LGALS13: variants seen among roughly 807,000 people sequenced by gnomAD.
LGALS13 encodes the protein galectin 13.
A neutral mutation model predicts 13.2 loss-of-function variants in LGALS13; 11 were observed. That is an observed-to-expected ratio of 0.83 (90% CI 0.52 to 1.38). LGALS13 has a LOEUF of 1.38. LGALS13 is among the 40% of genes most tolerant of loss of function. The pLI, the probability that LGALS13 is intolerant of heterozygous loss-of-function variation, is 0.00. For synonymous variants in LGALS13, 71 were observed against 63.7 expected (o/e 1.11, Z -0.54); for missense variants, 183 against 174.3 (o/e 1.05, Z -0.28).
In LGALS13 at chr19:39,607,205, G is replaced by A. The variant is rs769991555; in HGVS notation, c.304-18G>A. 6.3e-7 allele frequency: 1 copy of A among 1,582,712 alleles called. No individual in the cohort carries two copies. Among genetic ancestry groups the A allele is most frequent in the Non-Finnish European group, 8.7e-7 (1 of 1,151,370 alleles). On this transcript the variant is annotated intron_variant, in intron 3 of 3. Transcript: ENST00000221797. The stretch of plus-strand genomic sequence containing the variant: ...TTTGGTGGCATGCTTTCTTTCTGAT[G>A]CATTTTTCCTCTTGTAGATAAAGGT...
At chr19:39,605,429 C>T (rs371275188) in intron 3 of LGALS13, 41 bp downstream of exon 3, 1 of 1,543,736 alleles carries the variant, frequency 6.5e-7, no homozygotes, top group Non-Finnish European at 8.9e-7. Context: ...GCTCTGTGGG[C>T]TCCCAAAACA....
intron 3 of LGALS13, 107 bp downstream of exon 3, chr19:39,605,495 A>G: frequency 1.2e-6 from 1 of 865,962 alleles, no homozygotes; most frequent in Non-Finnish European, 1.9e-6. Flanking sequence ...ATCTCCCATA[A>G]CTACTCCTGC....
chr19:39,605,408 C>T lies in LGALS13; in HGVS notation c.303+20C>T. The T allele has an allele frequency of 6.2e-7, 1 of 1,602,404 alleles. No individual in the cohort carries two copies. Among genetic ancestry groups the T allele is most frequent in the Non-Finnish European group, 8.5e-7 (1 of 1,169,656 alleles). On this transcript the variant is annotated intron_variant, in intron 3 of 3. Coordinates refer to ENST00000221797, the MANE Select transcript of LGALS13 (RefSeq NM_013268.3). ...TATGAGGTGAGCATCCCAGGAGCTCCCAGCACCCAGGCTCTGTGGGCTCCC... is the reference window on the plus strand; with the variant it reads ...TATGAGGTGAGCATCCCAGGAGCTCTCAGCACCCAGGCTCTGTGGGCTCCC...
intron 3 of LGALS13, among the ~76,000 whole-genome samples, chr19:39,605,832 GTTTGTTTGTTTGTT>G (rs1568473082): frequency 6.7e-6 from 1 of 149,202 alleles, no homozygotes; most frequent in African/African-American, 2.4e-5. Flanking sequence ...AAGAGGTTTT[GTTTGTTTGTTTGTT>G]TTTGTTTGTT....
In LGALS13 at chr19:39,602,531, T is replaced by G. The variant is rs766110151; in HGVS notation, c.-38T>G. 2.5e-5 allele frequency: 41 copies of G among 1,609,516 alleles called. No homozygotes were observed. The Admixed American group carries it at 6.8e-4, about 27-fold the overall frequency. ...CAACTCAGAGATTCACTCAGAAGAC[T>G]GGACTCAATTCTGAAGGTCGCCAAG... On this transcript the variant is annotated 5_prime_UTR_variant, in exon 1 of 4. Transcript: ENST00000221797.
rs113932428 is a variant in LGALS13, at chr19:39,602,642, G to A, written c.15+59G>A. The A allele has an allele frequency of 1.6e-4, 243 of 1,546,392 alleles. 1 individual carries two copies. In the African/African-American group the frequency reaches 3.0e-3, roughly 19 times the overall value. ...GTGTCACACAAACCAAGAAAGAAAT[G>A]GGAGATTTTATGAGATGAAAATATG... is the stretch of plus-strand genomic sequence containing the variant. On this transcript the variant is annotated intron_variant, in intron 1 of 3. Transcript: ENST00000221797.
At chr19:39,603,875 T>A (rs753971447) in intron 1 of LGALS13, 88 of 912,148 alleles carry the variant, frequency 9.6e-5, no homozygotes, top group Non-Finnish European at 1.1e-4. Flanking sequence ...AATCATCTCA[T>A]CTACTTGTAG....
intron 1 of LGALS13, chr19:39,603,986 T>C (rs1405159824): frequency 5.1e-6 from 5 of 985,400 alleles, no homozygotes; most frequent in Non-Finnish European, 6.0e-6. Flanking sequence ...GTGCCCCTTC[T>C]TGGAAGGATG....
intron 1 of LGALS13, among the ~76,000 whole-genome samples, chr19:39,602,837 G>A (rs902451320): frequency 6.6e-6 from 1 of 152,180 alleles, no homozygotes; most frequent in Non-Finnish European, 1.5e-5. Flanking sequence ...CGGAGATAAT[G>A]TGACTTTAAG....
intron 3 of LGALS13, among the ~76,000 whole-genome samples, chr19:39,606,760 T>C (rs1226700280): frequency 6.6e-6 from 1 of 152,226 alleles, no homozygotes; most frequent in Non-Finnish European, 1.5e-5. Flanking sequence ...TTTCCTTCTT[T>C]GCCACTAACA....
At chr19:39,605,928 C>A (rs1391572991) in intron 3 of LGALS13, among the ~76,000 whole-genome samples, 4 of 152,148 alleles carry the variant, frequency 2.6e-5, no homozygotes, top group Admixed American at 6.5e-5. Flanking sequence ...CTCACTGCAA[C>A]CTCCACCTCC....
chr19:39,602,827 C>A (rs563730899), intron 1 of LGALS13, among the ~76,000 whole-genome samples: 1 of 152,046 alleles, frequency 6.6e-6, no homozygotes, highest in African/African-American at 2.4e-5. Context: ...ATAAACTCTG[C>A]GGAGATAATG....
At position 39,605,232 on chromosome 19, in the gene LGALS13, T is replaced by C; in HGVS notation, c.147T>C (p.Asp49=). The C allele has an allele frequency of 2.5e-6, 4 of 1,614,240 alleles. No homozygotes were observed. Among genetic ancestry groups the C allele is most frequent in the Non-Finnish European group, 2.5e-6 (3 of 1,180,048 alleles). Residue 49 remains aspartate, a synonymous_variant, in exon 3 of 4, where the codon GAT becomes GAC. Coordinates refer to ENST00000221797, the MANE Select transcript of LGALS13 (RefSeq NM_013268.3). ...DFYTDMDEDS[D]IAFRFRVHFG... is the part of the protein sequence containing the mutation. ...ACACTGACATGGATGAGGATTCAGA[T>C]ATTGCCTTCCGTTTCCGAGTGCACT... is the stretch of plus-strand genomic sequence containing the variant.
Position 39,607,222 on chromosome 19 carries a change from G to C in LGALS13, c.304-1G>C, listed in dbSNP as rs1401346866. ...TTTCTGATGCATTTTTCCTCTTGTA[G>C]ATAAAGGTCAATGGCATACGCATTT... is the stretch of plus-strand genomic sequence containing the variant. On this transcript the variant is annotated splice_acceptor_variant, in intron 3 of 3. Coordinates refer to ENST00000221797, the MANE Select transcript of LGALS13 (RefSeq NM_013268.3). LOFTEE classifies it high-confidence loss of function. 1 of 1,612,354 alleles carries C rather than the reference G, an allele frequency of 6.2e-7. No individual in the cohort carries two copies. Among genetic ancestry groups the C allele is most frequent in the Non-Finnish European group, 8.5e-7 (1 of 1,178,526 alleles).
At position 39,607,228 on chromosome 19, in the gene LGALS13, G is replaced by A. The variant is rs1415954448; in HGVS notation, c.309G>A (p.Lys103=). Residue 103 remains lysine (K), a synonymous_variant, in exon 4 of 4, where the codon AAG becomes AAA. Transcript: ENST00000221797. ...IYVHYNEYEI[K]VNGIRIYGFV... is the part of the protein sequence containing the mutation. Reference sequence around the variant, plus strand: ...ATGCATTTTTCCTCTTGTAGATAAAGGTCAATGGCATACGCATTTACGGCT... The same window carrying A: ...ATGCATTTTTCCTCTTGTAGATAAAAGTCAATGGCATACGCATTTACGGCT... The A allele has an allele frequency of 2.5e-6, 4 of 1,613,410 alleles. No homozygotes were observed. Among genetic ancestry groups the A allele is most frequent in the East Asian group, 4.5e-5 (2 of 44,854 alleles).
chr19:39,604,444 T>G (rs562295949), intron 1 of LGALS13, among the ~76,000 whole-genome samples, 158 bp from the exon 2 acceptor site: 3 of 152,264 alleles, frequency 2.0e-5, no homozygotes, highest in Non-Finnish European at 4.4e-5. Flanking sequence ...GTCCGCCATA[T>G]CTTCAGGAAT....
intron 1 of LGALS13, chr19:39,604,095 C>A: frequency 1.9e-6 from 1 of 524,510 alleles, no homozygotes. Flanking sequence ...TGTTGTTTCT[C>A]ACTGGAGTGA....
chr19:39,605,055 G>T, intron 2 of LGALS13, 123 bp from the exon 3 acceptor site: 1 of 829,446 alleles, frequency 1.2e-6, no homozygotes. Flanking sequence ...CAGGGACCTG[G>T]CCATCAGTAT....
At chr19:39,603,086 G>T (rs1258625509) in intron 1 of LGALS13, among the ~76,000 whole-genome samples, 1 of 152,142 alleles carries the variant, frequency 6.6e-6, no homozygotes, top group East Asian at 1.9e-4. Flanking sequence ...CATGCATGTG[G>T]CTTTCTTCAC....
Sources: gnomAD v4.1 joint callset for allele counts (sites outside exome capture counted in the v4.1 genomes callset) on GRCh38, gnomAD v4.1.1 for gene constraint, MANE v1.5 for transcripts, NCBI Gene and HGNC (gene_info 2026-07-23, HGNC 2026-07-21) for gene names.